Variants in TOP1 observed in about 807,000 individuals in gnomAD.
The protein encoded by TOP1 is DNA topoisomerase 1.
A neutral mutation model predicts 111.1 loss-of-function variants in TOP1; 10 were observed. That is an observed-to-expected ratio of 0.09 (90% CI 0.06 to 0.15). The LOEUF is 0.15. Ranked by LOEUF, TOP1 falls within the 10% of genes least tolerant of loss-of-function variation. The probability of loss-of-function intolerance (pLI) is 1.00; values close to 1 mark genes in which losing one functional copy is unlikely to be tolerated. For missense variants in TOP1, 474 were observed against 926.7 expected, an observed-to-expected ratio of 0.51 and a Z score of 6.34; for synonymous variants, 271 against 302.9, an observed-to-expected ratio of 0.89 and a Z score of 1.10.
chr20:41,118,377 A>C lies in TOP1; in HGVS notation c.1950+81A>C. On this transcript the variant is annotated intron_variant, in intron 18 of 20. Coordinates refer to ENST00000361337, the MANE Select transcript of TOP1 (RefSeq NM_003286.4). This position sits in a 1 kb window ranked among gnomAD's most constrained non-coding sequence, Gnocchi z 4.6. ...TGAGAGGATTCAGGGCTGAGATATC[A>C]GCAGGCCAGTGCTGGGTCTGTTGTA... The C allele has an allele frequency of 1.9e-6, 3 of 1,548,856 alleles. No homozygotes were observed. The highest frequency in any genetic ancestry group is 2.7e-6 in the Non-Finnish European group (3 of 1,130,930).
chr20:41,042,258 T>G (rs905963204), intron 2 of TOP1, among the ~76,000 whole-genome samples: 8 of 152,202 alleles, frequency 5.3e-5, no homozygotes, highest in African/African-American at 1.9e-4. Flanking sequence ...TTTTAATATA[T>G]GTTTATAAAA....
chr20:41,065,770 G>A (rs534895171), intron 3 of TOP1, among the ~76,000 whole-genome samples: 1 of 151,848 alleles, frequency 6.6e-6, no homozygotes, highest in South Asian at 2.1e-4. Context: ...ATATTCCATT[G>A]TATGCCTGTA....
rs986456794 is a variant in TOP1, at chr20:41,101,269, C to T, written c.1224C>T (p.Asn408=). 6.2e-7 allele frequency: 1 copy of T among 1,614,030 alleles called. No individual in the cohort carries two copies. Among genetic ancestry groups the T allele is most frequent in the Non-Finnish European group, 8.5e-7 (1 of 1,179,976 alleles). ...GHKWKEVRHD[N]KVTWLVSWTE... ...AGTGGAAAGAAGTCCGGCATGATAACAAGGTTACTTGGCTGGTTTCCTGGA... is the reference window on the plus strand; with the variant it reads ...AGTGGAAAGAAGTCCGGCATGATAATAAGGTTACTTGGCTGGTTTCCTGGA... Residue 408 remains asparagine, a synonymous_variant, in exon 13 of 21, where the codon AAC becomes AAT. Transcript: ENST00000361337. The surrounding 1 kb of genome is among the most constrained non-coding windows in gnomAD (Gnocchi z 4.1).
intron 2 of TOP1, among the ~76,000 whole-genome samples, chr20:41,040,347 C>T (rs1456945920): frequency 6.6e-6 from 1 of 152,144 alleles, no homozygotes; most frequent in Admixed American, 6.5e-5. Context: ...TGCATTTTTG[C>T]AGGAATGGAT....
intron 8 of TOP1, among the ~76,000 whole-genome samples, chr20:41,090,691 C>T (rs35128966): frequency 0.056 from 8,412 of 151,156 alleles, 767 homozygotes; most frequent in East Asian, 0.47. Flanking sequence ...TTAGTAGAGA[C>T]GGGGGGGTCT....
intron 2 of TOP1, among the ~76,000 whole-genome samples, chr20:41,052,232 T>C (rs989320285): frequency 6.6e-6 from 1 of 152,240 alleles, no homozygotes; most frequent in African/African-American, 2.4e-5. Flanking sequence ...ACTGTTGCAC[T>C]GGTCTGCTTT....
In TOP1 at chr20:41,116,860, G is replaced by GC. The variant is rs1368181068; in HGVS notation, c.1822+469dup. Among the ~76,000 whole-genome samples, 3 of 152,114 alleles carry GC rather than the reference G, an allele frequency of 2.0e-5. No individual in the cohort carries two copies. Among genetic ancestry groups the GC allele is most frequent in the South Asian group, 2.1e-4 (1 of 4,814 alleles). ...AGAATATTATCACCAAGATCCACGG[G>GC]CTTTTTTTTTCCTGGAGCCCAGTCA... On this transcript the variant is annotated intron_variant, in intron 17 of 20. Coordinates refer to ENST00000361337, the MANE Select transcript of TOP1 (RefSeq NM_003286.4). This position sits in a 1 kb window ranked among gnomAD's most constrained non-coding sequence, Gnocchi z 5.6.
rs781097318 is a variant in TOP1, at chr20:41,115,382, C to T, written c.1650C>T (p.Asn550=). ...CTTATATCTTTTAGGTTTTTAAGAA[C>T]CTACAACTATTTATGGAGAACAAGC... ...KVPVEKRVFK[N]LQLFMENKQP... is the part of the protein sequence containing the mutation. The change falls in exon 16 of 21, where the codon AAC becomes AAT. Residue 550 remains asparagine, a synonymous_variant. Transcript: ENST00000361337. This position sits in a 1 kb window ranked among gnomAD's most constrained non-coding sequence, Gnocchi z 6.3. The T allele has an allele frequency of 1.2e-6, 2 of 1,610,462 alleles. No homozygotes were observed. The highest frequency in any genetic ancestry group is 1.7e-6 in the Non-Finnish European group (2 of 1,177,418).
chr20:41,104,035 A>G (rs765894748), intron 13 of TOP1, among the ~76,000 whole-genome samples: 2 of 152,028 alleles, frequency 1.3e-5, no homozygotes, highest in Non-Finnish European at 2.9e-5. Context: ...GTTCAAGACA[A>G]CTCCACTGTT....
At chr20:41,089,700 T>C (rs527741316) in intron 8 of TOP1, among the ~76,000 whole-genome samples, 14 of 152,336 alleles carry the variant, frequency 9.2e-5, no homozygotes, top group African/African-American at 3.4e-4. Flanking sequence ...GCTTAACTTT[T>C]TGAGGAACTG....
intron 2 of TOP1, among the ~76,000 whole-genome samples, chr20:41,042,710 T>C (rs1403597129): frequency 6.6e-6 from 1 of 152,226 alleles, no homozygotes; most frequent in Non-Finnish European, 1.5e-5. Flanking sequence ...ATTCGAGTTA[T>C]AACTTTTGAC....
In TOP1 at chr20:41,098,111, T is replaced by C; in HGVS notation, c.853-104T>C. 8.0e-7 allele frequency: 1 copy of C among 1,244,066 alleles called. No individual in the cohort carries two copies. The highest frequency in any genetic ancestry group is 2.0e-5 in the Admixed American group (1 of 50,152). 77.1% of individuals were successfully genotyped at this position (1,244,066 alleles called of 1,614,324 possible). A position where few individuals can be genotyped will look rare whatever the true frequency, so the allele number is the denominator to read the frequency against. ...TTGAGATTGGCTACTTCCAGAAACC[T>C]TTGACTGAAAAAATGGTGCTTGGGT... On this transcript the variant is annotated intron_variant, in intron 10 of 20. Coordinates refer to ENST00000361337, the MANE Select transcript of TOP1 (RefSeq NM_003286.4). The surrounding 1 kb of genome is among the most constrained non-coding windows in gnomAD (Gnocchi z 5.7).
rs1194663753 is a variant in TOP1, at chr20:41,029,669, A to G, written c.58+214A>G. On this transcript the variant is annotated intron_variant, in intron 2 of 20. Transcript: ENST00000361337. The surrounding 1 kb of genome is among the most constrained non-coding windows in gnomAD (Gnocchi z 6.1). ...ATCCCGGCCCTCCCAAGAGGGGACA[A>G]CGGAGACCCCGTGTCGTCCGCCACC... 2 of 644,234 alleles carry G rather than the reference A, an allele frequency of 3.1e-6. No individual in the cohort carries two copies. Among genetic ancestry groups the G allele is most frequent in the Non-Finnish European group, 5.7e-6 (2 of 353,844 alleles). 39.9% of individuals were successfully genotyped at this position (644,234 alleles called of 1,614,324 possible). A position where few individuals can be genotyped will look rare whatever the true frequency, so the allele number is the denominator to read the frequency against.
Position 41,097,645 on chromosome 20 carries a change from T to G in TOP1, c.852+304T>G, listed in dbSNP as rs1009500048. On this transcript the variant is annotated intron_variant, in intron 10 of 20. Transcript: ENST00000361337. This position sits in a 1 kb window ranked among gnomAD's most constrained non-coding sequence, Gnocchi z 4.2. Reference sequence around the variant, plus strand: ...ACAGGAAAGTTTGTCGCTGCAGGACTGCCCCGTGTCTGCTGTTGCAAAGAG... The same window carrying G: ...ACAGGAAAGTTTGTCGCTGCAGGACGGCCCCGTGTCTGCTGTTGCAAAGAG... Among the ~76,000 whole-genome samples the G allele has an allele frequency of 6.6e-6, 1 of 152,236 alleles. No homozygotes were observed. Among genetic ancestry groups the G allele is most frequent in the African/African-American group, 2.4e-5 (1 of 41,466 alleles).
At position 41,083,759 on chromosome 20, in the gene TOP1, T is replaced by C. The variant is rs994126078; in HGVS notation, c.508-703T>C. Among the ~76,000 whole-genome samples the C allele has an allele frequency of 1.6e-4, 25 of 152,210 alleles. No homozygotes were observed. Among genetic ancestry groups the C allele is most frequent in the African/African-American group, 5.8e-4 (24 of 41,442 alleles). On this transcript the variant is annotated intron_variant, in intron 7 of 20. Coordinates refer to ENST00000361337, the MANE Select transcript of TOP1 (RefSeq NM_003286.4). This position sits in a 1 kb window ranked among gnomAD's most constrained non-coding sequence, Gnocchi z 7.2. ...AGATTCTGAGTGGGATCTTCACTTG[T>C]TGAATATTACATTTTTGTTTGGGTT...
intron 2 of TOP1, among the ~76,000 whole-genome samples, chr20:41,054,654 G>C (rs566166384): frequency 6.6e-6 from 1 of 152,288 alleles, no homozygotes; most frequent in African/African-American, 2.4e-5. Context: ...GTGTGCCTTG[G>C]GCAGCCAGCT....
chr20:41,096,400 A>G (rs1040486554), intron 9 of TOP1, among the ~76,000 whole-genome samples: 1 of 152,216 alleles, frequency 6.6e-6, no homozygotes, highest in African/African-American at 2.4e-5. Flanking sequence ...ACAATTGGAT[A>G]CACCAGGAAC....
At position 41,112,835 on chromosome 20, in the gene TOP1, G is replaced by T; in HGVS notation, c.1362G>T (p.Val454=). ...YETARRLKKC[V]DKIRNQYRED... is the part of the protein sequence containing the mutation. ...CTGCTCGGCGGCTGAAAAAATGTGT[G>T]GACAAGATCCGGAACCAGTATCGAG... Residue 454 remains valine (V), a synonymous_variant, in exon 14 of 21, where the codon GTG becomes GTT. Coordinates refer to ENST00000361337, the MANE Select transcript of TOP1 (RefSeq NM_003286.4). This position sits in a 1 kb window ranked among gnomAD's most constrained non-coding sequence, Gnocchi z 5.8. 5.0e-6 allele frequency: 8 copies of T among 1,614,224 alleles called. No individual in the cohort carries two copies. The highest frequency in any genetic ancestry group is 6.8e-6 in the Non-Finnish European group (8 of 1,180,034).
Position 41,098,333 on chromosome 20 carries a change from A to G in TOP1, c.971A>G (p.Lys324Arg). Residue 324 changes from lysine to arginine, a missense_variant, in exon 11 of 21, where the codon AAA (lysine) becomes AGA (arginine). Lys to Arg is a conservative substitution (Grantham distance 26). Transcript: ENST00000361337. This position sits in a 1 kb window ranked among gnomAD's most constrained non-coding sequence, Gnocchi z 5.7. ...CGGAAACAGATGAGCAAGGAAGAGAAACTGGTACTACAGAATTTATTAAAC... is the reference window on the plus strand; with the variant it reads ...CGGAAACAGATGAGCAAGGAAGAGAGACTGGTACTACAGAATTTATTAAAC... ...EARKQMSKEE[K>R]LKIKEENEKL... 1 of 1,613,228 alleles carries G rather than the reference A, an allele frequency of 6.2e-7. No individual in the cohort carries two copies. Among genetic ancestry groups the G allele is most frequent in the Non-Finnish European group, 8.5e-7 (1 of 1,179,730 alleles).
Sources: gnomAD v4.1 joint callset for allele counts (sites outside exome capture counted in the v4.1 genomes callset) on GRCh38, gnomAD v4.1.1 for gene constraint, Gnocchi (gnomAD v3.1) non-coding constraint, MANE v1.5 for transcripts, NCBI Gene and HGNC (gene_info 2026-07-23, HGNC 2026-07-21) for gene names.